Variants in ANKS1B observed in about 807,000 individuals in gnomAD.
The protein encoded by ANKS1B is ankyrin repeat and sterile alpha motif domain containing 1B, also known as ankyrin repeat and sterile alpha motif domain-containing protein 1B.
Under a neutral mutation model 148.3 loss-of-function variants are expected in ANKS1B, and 36 were observed. The observed-to-expected ratio is 0.24, with a 90% CI of 0.19 to 0.32. The LOEUF is 0.32. Among genes scored for constraint, ANKS1B ranks in the 10% least tolerant of loss-of-function variants. The probability of loss-of-function intolerance (pLI) is 1.00; values close to 1 mark genes in which losing one functional copy is unlikely to be tolerated. For synonymous variants in ANKS1B, 542 were observed against 560.8 expected (o/e 0.97, Z 0.47); for missense variants, 1,157 against 1,542.6 (o/e 0.75, Z 4.19).
intron 11 of ANKS1B, among the ~76,000 whole-genome samples, chr12:99,410,972 G>A (rs1414821903): frequency 1.3e-5 from 2 of 152,208 alleles, no homozygotes; most frequent in African/African-American, 4.8e-5. Context: ...CTCAGTAAGT[G>A]CATCTGACCT....
chr12:99,526,586 C>T (rs1343138667), intron 9 of ANKS1B, among the ~76,000 whole-genome samples: 3 of 152,168 alleles, frequency 2.0e-5, no homozygotes, highest in East Asian at 1.9e-4. Context: ...GAATGGGTGT[C>T]GGGATAGCAT....
chr12:99,124,743 A>C (rs1179588446), intron 15 of ANKS1B, among the ~76,000 whole-genome samples: 1 of 152,166 alleles, frequency 6.6e-6, no homozygotes, highest in East Asian at 1.9e-4. Context: ...GGGCATCCAA[A>C]AGGAGAGAAT....
intron 9 of ANKS1B, among the ~76,000 whole-genome samples, chr12:99,584,366 G>C (rs768834405): frequency 1.3e-5 from 2 of 152,156 alleles, no homozygotes; most frequent in African/African-American, 4.8e-5. Context: ...TTGTGAAGCC[G>C]AGGAGGGAGG....
chr12:99,167,489 C>T (rs1601337401), intron 14 of ANKS1B, among the ~76,000 whole-genome samples: 1 of 152,164 alleles, frequency 6.6e-6, no homozygotes, highest in Non-Finnish European at 1.5e-5. Context: ...CTCAACATCA[C>T]TAGCCATTAG....
intron 1 of ANKS1B, among the ~76,000 whole-genome samples, chr12:99,874,206 G>A (rs2091852656): frequency 6.6e-6 from 1 of 151,820 alleles, no homozygotes; most frequent in Non-Finnish European, 1.5e-5. Flanking sequence ...TATGCAATCA[G>A]ACCAATGCAA....
intron 1 of ANKS1B, among the ~76,000 whole-genome samples, chr12:99,837,506 T>C (rs2085046268): frequency 6.6e-6 from 1 of 152,180 alleles, no homozygotes; most frequent in Non-Finnish European, 1.5e-5. Context: ...ACTGCGGACT[T>C]GCTACATACT....
chr12:99,299,724 T>C (rs963350138), intron 12 of ANKS1B, among the ~76,000 whole-genome samples: 1 of 152,226 alleles, frequency 6.6e-6, no homozygotes, highest in East Asian at 1.9e-4. Flanking sequence ...TGCATACCCA[T>C]ATTTGGGAAA....
intron 17 of ANKS1B, among the ~76,000 whole-genome samples, chr12:98,937,036 T>C (rs2099819424): frequency 1.3e-5 from 2 of 152,206 alleles, no homozygotes; most frequent in African/African-American, 4.8e-5. Context: ...TTGCTCTATC[T>C]ACCTCATGGG....
At chr12:99,927,909 T>C (rs537862764) in intron 1 of ANKS1B, among the ~76,000 whole-genome samples, 1 of 152,290 alleles carries the variant, frequency 6.6e-6, no homozygotes, top group Admixed American at 6.5e-5. Context: ...ACTAAAAATA[T>C]TGTAATCTGA....
At chr12:99,355,664 T>C (rs1219786130) in intron 12 of ANKS1B, among the ~76,000 whole-genome samples, 2 of 152,180 alleles carry the variant, frequency 1.3e-5, no homozygotes, top group Admixed American at 6.6e-5. Flanking sequence ...TAATACCATG[T>C]TTGCTAATAA....
In ANKS1B at chr12:99,280,945, A is replaced by ACACT. The variant is rs1555368289; in HGVS notation, c.1757-34082_1757-34081insAGTG. Among the ~76,000 whole-genome samples the ACACT allele has an allele frequency of 1.6e-4, 23 of 146,738 alleles. No homozygotes were observed. In the South Asian group the frequency reaches 4.6e-3, roughly 29 times the overall value. On this transcript the variant is annotated intron_variant, in intron 12 of 26. Transcript: ENST00000683438. ...TGCGCACATACACACACACACACAC[A>ACACT]CTCTCTCTCTCTCTCGCTATTGGTT...
At chr12:99,109,417 T>C (rs1000161332) in intron 15 of ANKS1B, among the ~76,000 whole-genome samples, 3 of 152,070 alleles carry the variant, frequency 2.0e-5, no homozygotes, top group Non-Finnish European at 4.4e-5. Flanking sequence ...GAACAGGACA[T>C]GGGCTTTGGA....
chr12:99,273,067 T>C (rs907599690), intron 12 of ANKS1B, among the ~76,000 whole-genome samples: 2 of 152,232 alleles, frequency 1.3e-5, no homozygotes, highest in Admixed American at 6.5e-5. Flanking sequence ...AGCAAGTTAC[T>C]GGTCTGTAGA....
At chr12:98,993,073 G>T (rs1342607722) in intron 17 of ANKS1B, among the ~76,000 whole-genome samples, 4 of 152,156 alleles carry the variant, frequency 2.6e-5, no homozygotes, top group African/African-American at 9.7e-5. Flanking sequence ...TATATTTAAA[G>T]CATGAAATGC....
chr12:98,746,522 A>C (rs1034789292), intron 26 of ANKS1B, among the ~76,000 whole-genome samples: 1 of 152,110 alleles, frequency 6.6e-6, no homozygotes, highest in Non-Finnish European at 1.5e-5. Flanking sequence ...TACAAAAAGC[A>C]CCCCAACTTT....
intron 15 of ANKS1B, among the ~76,000 whole-genome samples, chr12:99,141,723 T>C (rs1860202116): frequency 6.6e-6 from 1 of 152,214 alleles, no homozygotes; most frequent in South Asian, 2.1e-4. Flanking sequence ...GATAATGGCT[T>C]CCAGCTCAAT....
At chr12:99,518,997 G>A (rs761399851) in intron 9 of ANKS1B, among the ~76,000 whole-genome samples, 5 of 151,842 alleles carry the variant, frequency 3.3e-5, no homozygotes, top group Admixed American at 6.6e-5. Flanking sequence ...TCATTTCAGG[G>A]CATATTGTTT....
intron 15 of ANKS1B, among the ~76,000 whole-genome samples, chr12:99,105,291 G>T (rs181667622): frequency 1.3e-5 from 2 of 151,998 alleles, no homozygotes; most frequent in South Asian, 2.1e-4. Flanking sequence ...TTGGGTACCC[G>T]TTTTTTCATG....
At chr12:99,545,331 A>G (rs2153141948) in intron 9 of ANKS1B, among the ~76,000 whole-genome samples, 1 of 152,300 alleles carries the variant, frequency 6.6e-6, no homozygotes, top group Admixed American at 6.5e-5. Flanking sequence ...CATAAGGGAT[A>G]AAAGCAAGCC....
Sources: allele counts gnomAD v4.1 joint callset (sites outside exome capture counted in the v4.1 genomes callset), GRCh38; gene constraint gnomAD v4.1.1; transcripts MANE v1.5; gene names NCBI Gene and HGNC (gene_info 2026-07-23, HGNC 2026-07-21).